PTPN4: variants seen among roughly 807,000 people sequenced by gnomAD.
PTPN4 encodes the protein protein tyrosine phosphatase non-receptor type 4, also known as tyrosine-protein phosphatase non-receptor type 4.
Under a neutral mutation model 135.5 loss-of-function variants are expected in PTPN4, and 49 were observed. The ratio of observed to expected loss-of-function variants is 0.36; its 90% CI spans 0.29 to 0.46. PTPN4 has a LOEUF of 0.46. Among genes scored for constraint, PTPN4 ranks in the 20% least tolerant of loss-of-function variants. The probability of loss-of-function intolerance (pLI) is 1.00; values close to 1 mark genes in which losing one functional copy is unlikely to be tolerated. For missense variants in PTPN4, 860 were observed against 1,101.0 expected, an observed-to-expected ratio of 0.78 and a Z score of 3.10; for synonymous variants, 333 against 369.9, an observed-to-expected ratio of 0.90 and a Z score of 1.14.
chr2:119,965,192 C>T (rs1679428073), intron 24 of PTPN4, among the ~76,000 whole-genome samples: 1 of 152,116 alleles, frequency 6.6e-6, no homozygotes, highest in Non-Finnish European at 1.5e-5. Flanking sequence ...GTATGCAGGA[C>T]CCAAAAGAAT....
chr2:119,898,524 G>T (rs1678357295), intron 9 of PTPN4, among the ~76,000 whole-genome samples: 1 of 152,028 alleles, frequency 6.6e-6, no homozygotes, highest in Non-Finnish European at 1.5e-5. Flanking sequence ...AGAGTACAAG[G>T]TACTTTTTTC....
At chr2:119,776,323 C>A (rs1242845591) in intron 1 of PTPN4, among the ~76,000 whole-genome samples, 1 of 152,104 alleles carries the variant, frequency 6.6e-6, no homozygotes, top group Admixed American at 6.5e-5. Context: ...CTACAGGCGC[C>A]TGCCACCACG....
intron 2 of PTPN4, among the ~76,000 whole-genome samples, chr2:119,820,309 C>A (rs1391954050): frequency 6.6e-6 from 1 of 152,194 alleles, no homozygotes; most frequent in Non-Finnish European, 1.5e-5. Flanking sequence ...GTGATCTGTT[C>A]TTTGGGAAAG....
At chr2:119,760,950 T>G (rs556105977) in intron 1 of PTPN4, among the ~76,000 whole-genome samples, 15 of 151,970 alleles carry the variant, frequency 9.9e-5, no homozygotes, top group African/African-American at 3.6e-4. Flanking sequence ...ATGGAACAGC[T>G]TACAGTTGCA....
In PTPN4 at chr2:119,945,430, G is replaced by A. The variant is rs1038005798; in HGVS notation, c.1515+190G>A. ...AAGTTCTATAATTAGAAGTGATCAT[G>A]GAGTACATAGAGTATATAATTAAAT... On this transcript the variant is annotated intron_variant, in intron 16 of 26. Transcript: ENST00000263708. 3.3e-5 allele frequency among the ~76,000 whole-genome samples: 5 copies of A among 152,024 alleles called. No individual in the cohort carries two copies. In the East Asian group the frequency reaches 9.6e-4, roughly 29 times the overall value.
intron 10 of PTPN4, among the ~76,000 whole-genome samples, chr2:119,913,535 G>A (rs1678604093): frequency 6.6e-6 from 1 of 152,092 alleles, no homozygotes; most frequent in Admixed American, 6.6e-5. Flanking sequence ...CACACCTATA[G>A]TCCCAGCTAC....
At chr2:119,817,266 C>A (rs1017156207) in intron 2 of PTPN4, among the ~76,000 whole-genome samples, 2 of 150,618 alleles carry the variant, frequency 1.3e-5, no homozygotes, top group African/African-American at 4.9e-5. Flanking sequence ...CAGTTTCAGC[C>A]TTATGCATAT....
chr2:119,877,652 G>T (rs1678005033), intron 5 of PTPN4, 110 bp downstream of exon 5: 1 of 1,340,316 alleles, frequency 7.5e-7, no homozygotes, highest in East Asian at 2.5e-5. Context: ...GAGCTTTCCA[G>T]TCAGTACACA....
chr2:119,843,404 CG>C (rs1677413537), intron 2 of PTPN4, among the ~76,000 whole-genome samples: 2 of 141,436 alleles, frequency 1.4e-5, no homozygotes, highest in African/African-American at 5.4e-5. Context: ...TACACAGACA[CG>C]GCAACCATCC....
chr2:119,808,093 T>C (rs1481469235), intron 1 of PTPN4, among the ~76,000 whole-genome samples: 1 of 152,180 alleles, frequency 6.6e-6, no homozygotes, highest in African/African-American at 2.4e-5. Context: ...ATAAGAGCTA[T>C]TTATGACAAA....
intron 1 of PTPN4, among the ~76,000 whole-genome samples, chr2:119,775,825 CTATAT>C (rs1690825656): frequency 6.6e-6 from 1 of 151,528 alleles, no homozygotes; most frequent in African/African-American, 2.4e-5. Context: ...ATATCTATAT[CTATAT>C]CTATATCTAT....
At chr2:119,916,027 C>CA (rs548228839) in intron 11 of PTPN4, 3,678 of 139,270 alleles carry the variant, frequency 0.026, 84 homozygotes, top group Non-Finnish European at 0.039. Flanking sequence ...ACTGTCTCTA[C>CA]AAAAAAAAAA....
intron 2 of PTPN4, among the ~76,000 whole-genome samples, chr2:119,831,073 C>T (rs904463696): frequency 5.3e-5 from 8 of 152,064 alleles, no homozygotes; most frequent in Non-Finnish European, 8.8e-5. Context: ...GGCAGTAGGG[C>T]GTGGTTTGGG....
intron 14 of PTPN4, among the ~76,000 whole-genome samples, chr2:119,933,569 G>T (rs1253533304): frequency 6.6e-6 from 1 of 151,344 alleles, no homozygotes; most frequent in East Asian, 1.9e-4. Context: ...CAGGGGGGTG[G>T]GGCAGGGATT....
At chr2:119,813,816 T>C (rs1350271396) in intron 2 of PTPN4, among the ~76,000 whole-genome samples, 1 of 151,284 alleles carries the variant, frequency 6.6e-6, no homozygotes, top group Non-Finnish European at 1.5e-5. Flanking sequence ...ATTTTGCCTC[T>C]TCCTCATCAC....
chr2:119,829,303 GAATT>G (rs1677187562), intron 2 of PTPN4, among the ~76,000 whole-genome samples: 1 of 152,100 alleles, frequency 6.6e-6, no homozygotes, highest in African/African-American at 2.4e-5. Flanking sequence ...ATGTATCACA[GAATT>G]AATTTTTAAA....
At chr2:119,764,711 T>C (rs1472615239) in intron 1 of PTPN4, among the ~76,000 whole-genome samples, 1 of 152,082 alleles carries the variant, frequency 6.6e-6, no homozygotes, top group African/African-American at 2.4e-5. Context: ...AAAATTAAAA[T>C]AGGAATAGCG....
intron 12 of PTPN4, among the ~76,000 whole-genome samples, chr2:119,920,717 C>T (rs969855944): frequency 2.0e-5 from 3 of 152,154 alleles, no homozygotes; most frequent in African/African-American, 7.2e-5. Flanking sequence ...AGTCATTGAA[C>T]AGTAACCCCA....
chr2:119,890,366 A>AT (rs1174398500), intron 9 of PTPN4, among the ~76,000 whole-genome samples: 1 of 151,340 alleles, frequency 6.6e-6, no homozygotes, highest in Non-Finnish European at 1.5e-5. Flanking sequence ...TGTATGGAGT[A>AT]TTTTTTTCCA....
Sources: allele counts gnomAD v4.1 joint callset (sites outside exome capture counted in the v4.1 genomes callset), GRCh38; gene constraint gnomAD v4.1.1; transcripts MANE v1.5; gene names NCBI Gene and HGNC (gene_info 2026-07-23, HGNC 2026-07-21).